Variants in MPP7 observed in about 807,000 individuals in gnomAD.
MPP7 encodes MAGUK p55 subfamily member 7.
In MPP7, 60 loss-of-function variants were observed where a neutral mutation model predicts 76.5. The ratio of observed to expected loss-of-function variants is 0.78; its 90% confidence interval spans 0.64 to 0.97. The LOEUF is 0.97. MPP7 is among the 50% of genes least tolerant of loss of function. The pLI is 0.00. For missense variants in MPP7, 641 were observed against 694.0 expected, an observed-to-expected ratio of 0.92 and a Z score of 0.86; for synonymous variants, 237 against 244.5, an observed-to-expected ratio of 0.97 and a Z score of 0.29.
chr10:28,238,708 C>A lies in MPP7; in HGVS notation c.-104G>T. 1 of 1,120,094 alleles carries A rather than the reference C, an allele frequency of 8.9e-7. No homozygotes were observed. The highest frequency in any genetic ancestry group is 1.3e-6 in the Non-Finnish European group (1 of 745,618). The allele number at this position is 1,120,094 out of a possible 1,614,324, so 69.4% of individuals were successfully genotyped here. ...AACAGCCTGCAGCCACGTTGTCTAC[C>A]AAGATCTGTATATTTTGTAAGCCGT... On this transcript the variant is annotated 5_prime_UTR_variant, in exon 2 of 17. Transcript: ENST00000683449.
intron 3 of MPP7, among the ~76,000 whole-genome samples, chr10:28,167,101 A>G (rs941253615): frequency 6.6e-6 from 1 of 152,090 alleles, no homozygotes; most frequent in Non-Finnish European, 1.5e-5. Flanking sequence ...ACTTGAGCTC[A>G]GGAGTTCGAG....
intron 11 of MPP7, among the ~76,000 whole-genome samples, chr10:28,105,714 G>A (rs947133134): frequency 2.0e-5 from 3 of 152,066 alleles, no homozygotes; most frequent in Non-Finnish European, 4.4e-5. Context: ...CGTCACATTG[G>A]CCAGGCTGGT....
intron 3 of MPP7, among the ~76,000 whole-genome samples, chr10:28,160,051 A>T (rs1311010483): frequency 6.6e-6 from 1 of 151,774 alleles, no homozygotes; most frequent in Non-Finnish European, 1.5e-5. Context: ...CTTGAATTTT[A>T]TTCATTGGCA....
Position 28,124,013 on chromosome 10 carries a change from A to G in MPP7, c.615+18T>C, listed in dbSNP as rs751102759. ...GATTTTATTTTTATTGTACCTTTAAAAGAAATTTACAGCTTACCAAAATCT... is the reference window on the plus strand; with the variant it reads ...GATTTTATTTTTATTGTACCTTTAAGAGAAATTTACAGCTTACCAAAATCT... On this transcript the variant is annotated intron_variant, in intron 8 of 16. Transcript: ENST00000683449. 4.6e-6 allele frequency: 7 copies of G among 1,527,732 alleles called. No homozygotes were observed. The highest frequency in any genetic ancestry group is 6.3e-6 in the Non-Finnish European group (7 of 1,102,538). 94.6% of individuals were successfully genotyped at this position (1,527,732 alleles called of 1,614,324 possible).
chr10:28,305,506 A>C (rs1841248398), upstream of MPP7: 1 of 152,240 alleles, frequency 6.6e-6, no homozygotes, highest in Non-Finnish European at 1.5e-5. Flanking sequence ...TATAACAATG[A>C]ATAAGACAAG....
intron 5 of MPP7, among the ~76,000 whole-genome samples, chr10:28,141,054 T>C (rs1835500575): frequency 6.6e-6 from 1 of 152,096 alleles, no homozygotes; most frequent in South Asian, 2.1e-4. Context: ...AATCTTCTTT[T>C]ATCAAAAAGA....
At chr10:28,268,458 G>A (rs749877660) in intron 1 of MPP7, among the ~76,000 whole-genome samples, 13 of 152,002 alleles carry the variant, frequency 8.6e-5, no homozygotes, top group East Asian at 3.9e-4. Flanking sequence ...GGGGCCAGGC[G>A]CGGTGGCTCA....
chr10:28,201,582 G>A (rs769032697), intron 3 of MPP7, among the ~76,000 whole-genome samples: 3 of 152,028 alleles, frequency 2.0e-5, no homozygotes, highest in Non-Finnish European at 4.4e-5. Context: ...CCCGATTTCT[G>A]CTGGCTGATC....
chr10:28,320,800 C>G (rs1834362374), intron 2 of MPP7, among the ~76,000 whole-genome samples: 1 of 151,232 alleles, frequency 6.6e-6, no homozygotes, highest in Admixed American at 6.6e-5. Context: ...TTTGCCACTT[C>G]CAATTTTTAA....
intron 3 of MPP7, among the ~76,000 whole-genome samples, chr10:28,181,807 C>G (rs1416991997): frequency 6.6e-6 from 1 of 152,156 alleles, no homozygotes; most frequent in Non-Finnish European, 1.5e-5. Flanking sequence ...ATGCTTACAA[C>G]CAAATGAGAA....
chr10:28,144,896 G>C (rs959461235), intron 5 of MPP7, among the ~76,000 whole-genome samples: 5 of 151,820 alleles, frequency 3.3e-5, no homozygotes, highest in African/African-American at 1.2e-4. Context: ...CTAGGCATTA[G>C]AAGAAAAAAA....
intron 1 of MPP7, among the ~76,000 whole-genome samples, chr10:28,330,965 C>G (rs1195686960): frequency 1.3e-5 from 2 of 152,142 alleles, no homozygotes; most frequent in Admixed American, 6.6e-5. Flanking sequence ...CTGTCCTGAT[C>G]CATCTTGTTA....
chr10:28,104,096 G>A (rs1280243502), intron 11 of MPP7, among the ~76,000 whole-genome samples: 2 of 152,096 alleles, frequency 1.3e-5, no homozygotes, highest in Non-Finnish European at 2.9e-5. Flanking sequence ...AAAGAAAAGA[G>A]AAGACAAAAG....
chr10:28,275,080 G>A (rs1272332118), intron 1 of MPP7, among the ~76,000 whole-genome samples: 1 of 152,124 alleles, frequency 6.6e-6, no homozygotes, highest in African/African-American at 2.4e-5. Flanking sequence ...ACCTGAAAAT[G>A]CTGCCACTAA....
intron 3 of MPP7, among the ~76,000 whole-genome samples, chr10:28,157,428 G>C (rs1314964532): frequency 6.6e-6 from 1 of 152,198 alleles, no homozygotes; most frequent in Non-Finnish European, 1.5e-5. Context: ...GGAATGTGGA[G>C]TGTATTCCAA....
intron 3 of MPP7, among the ~76,000 whole-genome samples, chr10:28,165,979 C>A (rs1016175027): frequency 6.7e-6 from 1 of 148,368 alleles, no homozygotes; most frequent in South Asian, 2.1e-4. Flanking sequence ...GAGCCAAGAT[C>A]GCGCCACTGC....
chr10:28,163,873 T>C (rs1836349815), intron 3 of MPP7, among the ~76,000 whole-genome samples: 1 of 142,630 alleles, frequency 7.0e-6, no homozygotes. Flanking sequence ...GCCGCGCCAC[T>C]GCACTCCAGC....
At chr10:28,251,662 A>C (rs1284570747) in intron 1 of MPP7, among the ~76,000 whole-genome samples, 1 of 152,128 alleles carries the variant, frequency 6.6e-6, no homozygotes, top group Non-Finnish European at 1.5e-5. Context: ...TTACTACTTC[A>C]CTTCACTCAC....
intron 3 of MPP7, among the ~76,000 whole-genome samples, chr10:28,166,760 T>C (rs2133847931): frequency 6.6e-6 from 1 of 152,296 alleles, no homozygotes; most frequent in East Asian, 1.9e-4. Flanking sequence ...TGTGAATGTT[T>C]CAACAATATA....
Sources: gnomAD v4.1 joint callset for allele counts (sites outside exome capture counted in the v4.1 genomes callset) on GRCh38, gnomAD v4.1.1 for gene constraint, MANE v1.5 for transcripts, NCBI Gene and HGNC (gene_info 2026-07-23, HGNC 2026-07-21) for gene names.